RASEF: variants seen among roughly 807,000 people sequenced by gnomAD.
The protein encoded by RASEF is ras and EF-hand domain-containing protein.
Under a neutral mutation model 90.1 loss-of-function variants are expected in RASEF, and 68 were observed. The observed-to-expected ratio is 0.75, with a 90% CI of 0.62 to 0.92. The LOEUF is 0.92. Ranked by LOEUF, RASEF falls within the 40% of genes least tolerant of loss-of-function variation. The pLI is 0.00. For missense variants in RASEF, 949 were observed against 937.2 expected (o/e 1.01, Z -0.16); for synonymous variants, 331 against 345.2 (o/e 0.96, Z 0.46).
the RASEF span, among the ~76,000 whole-genome samples, chr9:83,105,143 G>T: frequency 6.6e-5 from 10 of 152,136 alleles, no homozygotes; most frequent in Admixed American, 4.6e-4. Flanking sequence ...TCTACAAGAG[G>T]CTAAATTTCA....
Position 82,998,362 on chromosome 9 carries a change from T to C in RASEF, c.1805+3A>G, listed in dbSNP as rs780958884. The C allele has an allele frequency of 5.6e-6, 9 of 1,604,418 alleles. No individual in the cohort carries two copies. In the East Asian group the frequency reaches 1.8e-4, roughly 32 times the overall value. ...ATCCCATAGCGCTGCGGAATGCACT[T>C]GCCTCTCCTGACCAGCTGTATCCCA... On this transcript the variant is annotated splice_donor_region_variant and intron_variant, in intron 13 of 16. Coordinates refer to ENST00000376447, the MANE Select transcript of RASEF (RefSeq NM_152573.4).
At position 83,042,898 on chromosome 9, in the gene RASEF, T is replaced by G. The variant is rs571047971; in HGVS notation, c.432-16977A>C. On this transcript the variant is annotated intron_variant, in intron 1 of 16. Transcript: ENST00000376447. The stretch of plus-strand genomic sequence containing the variant: ...GGAAGGAAGGAAGTACTGAGAATAG[T>G]AAAATGTCATTTGGCAGCCTGACGG... Among the ~76,000 whole-genome samples the G allele has an allele frequency of 4.8e-4, 73 of 152,308 alleles. 1 individual carries two copies. The highest frequency in any genetic ancestry group is 4.2e-3 in the Admixed American group (65 of 15,304).
chr9:83,164,341 A>ATGTG, the RASEF span, among the ~76,000 whole-genome samples: 38,167 of 89,032 alleles, frequency 0.43, 6,583 homozygotes, highest in East Asian at 0.56. Flanking sequence ...ATATTTGTAT[A>ATGTG]TGTGTGTATA....
chr9:83,105,341 A>T, the RASEF span, among the ~76,000 whole-genome samples: 1 of 152,208 alleles, frequency 6.6e-6, no homozygotes, highest in Non-Finnish European at 1.5e-5. Context: ...CGAATGAATA[A>T]ATAAAAAGAT....
At chr9:83,118,152 A>G in the RASEF span, among the ~76,000 whole-genome samples, 1 of 152,172 alleles carries the variant, frequency 6.6e-6, no homozygotes, top group Non-Finnish European at 1.5e-5. Flanking sequence ...ATGTAAAGTA[A>G]CATGTAAATG....
At chr9:83,201,613 C>CT in the RASEF span, among the ~76,000 whole-genome samples, 3 of 152,024 alleles carry the variant, frequency 2.0e-5, no homozygotes, top group South Asian at 2.1e-4. Flanking sequence ...ATTAATGGGA[C>CT]TTTTTTCTAT....
chr9:83,032,474 A>G (rs1829664691), intron 1 of RASEF, among the ~76,000 whole-genome samples: 1 of 152,256 alleles, frequency 6.6e-6, no homozygotes, highest in Admixed American at 6.5e-5. Context: ...TTAGTCAGTC[A>G]AGACAAAAGA....
At chr9:83,036,904 A>T (rs57629511) in intron 1 of RASEF, among the ~76,000 whole-genome samples, 7,893 of 151,568 alleles carry the variant, frequency 0.052, 657 homozygotes, top group African/African-American at 0.18. Context: ...GTTTTTTTTT[A>T]AAAAAAGCTT....
chr9:83,174,090 G>C, the RASEF span, among the ~76,000 whole-genome samples: 1 of 151,224 alleles, frequency 6.6e-6, no homozygotes, highest in African/African-American at 2.4e-5. Flanking sequence ...AATATTTTCT[G>C]TCATTCAGTA....
At chr9:83,123,404 G>A in the RASEF span, among the ~76,000 whole-genome samples, 1 of 152,102 alleles carries the variant, frequency 6.6e-6, no homozygotes, top group Non-Finnish European at 1.5e-5. Flanking sequence ...TTCTAACGCT[G>A]GGGAGACCTG....
At chr9:83,084,258 C>T in the RASEF span, among the ~76,000 whole-genome samples, 6 of 152,002 alleles carry the variant, frequency 3.9e-5, no homozygotes, top group African/African-American at 7.2e-5. Flanking sequence ...TATGAAGATC[C>T]TAAATTAGTA....
the RASEF span, among the ~76,000 whole-genome samples, chr9:83,202,247 T>C: frequency 1.3e-5 from 2 of 152,204 alleles, no homozygotes. Flanking sequence ...TCTATATCTA[T>C]GCAGCTTAAA....
At chr9:83,167,449 T>C in the RASEF span, among the ~76,000 whole-genome samples, 2 of 152,042 alleles carry the variant, frequency 1.3e-5, no homozygotes, top group Admixed American at 1.3e-4. Flanking sequence ...CACCAGCACG[T>C]TGTAAACTAG....
At chr9:83,167,504 T>C in the RASEF span, among the ~76,000 whole-genome samples, 8 of 152,174 alleles carry the variant, frequency 5.3e-5, no homozygotes, top group African/African-American at 1.4e-4. Context: ...TCTTTTCTTT[T>C]GTAACAGTTT....
At chr9:83,166,590 G>A in the RASEF span, among the ~76,000 whole-genome samples, 44 of 152,232 alleles carry the variant, frequency 2.9e-4, no homozygotes, top group East Asian at 1.9e-4. Context: ...GTGGCGGTAC[G>A]GTTTCATTGG....
At chr9:83,142,576 A>G in the RASEF span, among the ~76,000 whole-genome samples, 1 of 152,236 alleles carries the variant, frequency 6.6e-6, no homozygotes, top group Non-Finnish European at 1.5e-5. Context: ...CACAACCATG[A>G]TATGCCAGAG....
the RASEF span, among the ~76,000 whole-genome samples, chr9:83,072,732 C>T: frequency 1.3e-5 from 2 of 152,260 alleles, no homozygotes; most frequent in South Asian, 2.1e-4. Context: ...TTTCTTCTGC[C>T]TGCTTTTATC....
Position 83,032,553 on chromosome 9 carries a change from T to C in RASEF, c.432-6632A>G, listed in dbSNP as rs1012631198. On this transcript the variant is annotated intron_variant, in intron 1 of 16. Transcript: ENST00000376447. ...CTAATTTGTGTCTGAAGATATCAAGTGAAATGCAATTAGAGAAAAATGTAC... is the reference window on the plus strand; with the variant it reads ...CTAATTTGTGTCTGAAGATATCAAGCGAAATGCAATTAGAGAAAAATGTAC... 5.3e-5 allele frequency among the ~76,000 whole-genome samples: 8 copies of C among 152,324 alleles called. No individual in the cohort carries two copies. In the East Asian group the frequency reaches 1.5e-3, roughly 29 times the overall value.
intron 8 of RASEF, among the ~76,000 whole-genome samples, chr9:83,004,812 T>C (rs982755289): frequency 3.3e-5 from 5 of 152,204 alleles, no homozygotes; most frequent in African/African-American, 1.2e-4. Context: ...CATCCTATCT[T>C]ACGTCCAAAC....
Sources: gnomAD v4.1 joint callset for allele counts (sites outside exome capture counted in the v4.1 genomes callset) on GRCh38, gnomAD v4.1.1 for gene constraint, MANE v1.5 for transcripts, NCBI Gene and HGNC (gene_info 2026-07-23, HGNC 2026-07-21) for gene names.